Variants in DPP10 observed in about 807,000 individuals in gnomAD.
DPP10 encodes the protein dipeptidyl peptidase like 10.
In DPP10, 33 loss-of-function variants were observed where a neutral mutation model predicts 120.9. The observed-to-expected ratio is 0.27, with a 90% confidence interval of 0.21 to 0.37. DPP10 has a LOEUF of 0.37. Among genes scored for constraint, DPP10 ranks in the 10% least tolerant of loss-of-function variants. The probability of loss-of-function intolerance (pLI) is 1.00; values close to 1 mark genes in which losing one functional copy is unlikely to be tolerated. For missense variants in DPP10, 816 were observed against 942.8 expected (o/e 0.87, Z 1.76); for synonymous variants, 337 against 326.1 (o/e 1.03, Z -0.36).
At chr2:115,003,918 A>G (rs1188617771) in intron 1 of DPP10, among the ~76,000 whole-genome samples, 1 of 152,226 alleles carries the variant, frequency 6.6e-6, no homozygotes, top group Non-Finnish European at 1.5e-5. Flanking sequence ...AGTTTACTAC[A>G]TAATGCATAC....
chr2:115,698,478 G>T (rs1019925163), intron 7 of DPP10, among the ~76,000 whole-genome samples: 12 of 152,156 alleles, frequency 7.9e-5, no homozygotes, highest in Non-Finnish European at 1.2e-4. Flanking sequence ...GGAGATAAAA[G>T]TTTTAGGAGG....
At chr2:114,994,122 T>C (rs1001142550) in intron 1 of DPP10, among the ~76,000 whole-genome samples, 5 of 152,232 alleles carry the variant, frequency 3.3e-5, no homozygotes, top group Non-Finnish European at 7.3e-5. Context: ...GCTTGGTTTT[T>C]TTCTGATGTT....
intron 1 of DPP10, among the ~76,000 whole-genome samples, chr2:114,925,897 G>A (rs1431716484): frequency 6.6e-6 from 1 of 152,148 alleles, no homozygotes; most frequent in African/African-American, 2.4e-5. Flanking sequence ...AATTATTCAA[G>A]CAGACAGTCT....
At chr2:115,109,668 G>A (rs2049119932) in intron 1 of DPP10, among the ~76,000 whole-genome samples, 1 of 152,204 alleles carries the variant, frequency 6.6e-6, no homozygotes, top group Non-Finnish European at 1.5e-5. Flanking sequence ...ACAGCTCAAG[G>A]AAATATTATC....
At chr2:115,264,355 A>G (rs1041499980) in intron 1 of DPP10, among the ~76,000 whole-genome samples, 3 of 152,152 alleles carry the variant, frequency 2.0e-5, no homozygotes, top group African/African-American at 4.8e-5. Flanking sequence ...TCAGGTATCT[A>G]TGTGTCTTTT....
rs551133151 is a variant in DPP10, at chr2:115,836,147, T to C, written c.1951-10T>C. On this transcript the variant is annotated splice_polypyrimidine_tract_variant and intron_variant, in intron 21 of 25. Coordinates refer to ENST00000410059, the MANE Select transcript of DPP10 (RefSeq NM_020868.6). ...ATATATATATATATATATATATTTT[T>C]CCCCCCCAGGGTTATGGTGGCTATA... The C allele has an allele frequency of 9.2e-5, 134 of 1,456,596 alleles. 1 individual carries two copies. Among genetic ancestry groups the C allele is most frequent in the South Asian group, 7.4e-4 (53 of 72,046 alleles). 90.2% of individuals were successfully genotyped at this position (1,456,596 alleles called of 1,614,324 possible).
At chr2:115,167,123 A>G (rs1388039009) in intron 1 of DPP10, among the ~76,000 whole-genome samples, 1 of 152,168 alleles carries the variant, frequency 6.6e-6, no homozygotes, top group African/African-American at 2.4e-5. Flanking sequence ...CTGTGAATGG[A>G]GGTGACTGCA....
chr2:115,008,091 T>C (rs1701986687), intron 1 of DPP10, among the ~76,000 whole-genome samples: 1 of 143,116 alleles, frequency 7.0e-6, no homozygotes. Flanking sequence ...AAAGTTCATA[T>C]GGAACCAAAA....
At chr2:115,257,651 C>G (rs1291146616) in intron 1 of DPP10, among the ~76,000 whole-genome samples, 1 of 152,130 alleles carries the variant, frequency 6.6e-6, no homozygotes, top group Non-Finnish European at 1.5e-5. Flanking sequence ...GCCATATATC[C>G]AAACTGTGTC....
chr2:114,470,797 C>T (rs1302060100), intron 1 of DPP10, among the ~76,000 whole-genome samples: 1 of 152,186 alleles, frequency 6.6e-6, no homozygotes, highest in Non-Finnish European at 1.5e-5. Context: ...ACTTAAGACA[C>T]TTGAAAGTGG....
chr2:114,995,205 C>T (rs562448272), intron 1 of DPP10, among the ~76,000 whole-genome samples: 45 of 152,204 alleles, frequency 3.0e-4, no homozygotes, highest in Admixed American at 4.6e-4. Context: ...TCATCTCAGC[C>T]GTGGCCATCC....
intron 2 of DPP10, among the ~76,000 whole-genome samples, chr2:115,312,300 G>T (rs1415898489): frequency 6.6e-6 from 1 of 152,016 alleles, no homozygotes; most frequent in Non-Finnish European, 1.5e-5. Flanking sequence ...TGATCAAGTG[G>T]GCAAGTATAA....
intron 11 of DPP10, 39 bp from the exon 12 acceptor site, chr2:115,762,533 G>A: frequency 1.9e-6 from 3 of 1,611,864 alleles, no homozygotes; most frequent in East Asian, 4.5e-5. Context: ...GCTCATTTTG[G>A]TCTTTAGATG....
chr2:115,483,475 C>CTTTCTA, intron 3 of DPP10, among the ~76,000 whole-genome samples: 1 of 84,978 alleles, frequency 1.2e-5, no homozygotes, highest in South Asian at 3.8e-4. Context: ...ATCTATCTAT[C>CTTTCTA]TATCTGTATG....
chr2:115,103,481 C>T (rs1400028795), intron 1 of DPP10, among the ~76,000 whole-genome samples: 1 of 152,158 alleles, frequency 6.6e-6, no homozygotes, highest in Non-Finnish European at 1.5e-5. Context: ...GGCAACCACG[C>T]CTGGCCTCAG....
At chr2:114,926,287 C>T (rs13034487) in intron 1 of DPP10, among the ~76,000 whole-genome samples, 33,704 of 152,082 alleles carry the variant, frequency 0.22, 3,840 homozygotes, top group East Asian at 0.36. Flanking sequence ...GTCCAGATAA[C>T]GGGCCTGAAT....
At chr2:115,525,799 T>G in intron 4 of DPP10, 99 bp from the exon 5 acceptor site, 1 of 813,712 alleles carries the variant, frequency 1.2e-6, no homozygotes, top group Non-Finnish European at 1.9e-6. Context: ...GAGAATGCCA[T>G]TTTATAGTGC....
chr2:114,812,665 C>G lies in DPP10; in HGVS notation c.60+369827C>G, dbSNP rs1574247795. Among the ~76,000 whole-genome samples, 3 of 151,522 alleles carry G rather than the reference C, an allele frequency of 2.0e-5. No individual in the cohort carries two copies. In the South Asian group the frequency reaches 6.2e-4, roughly 32 times the overall value. On this transcript the variant is annotated intron_variant, in intron 1 of 25. Coordinates refer to ENST00000410059, the MANE Select transcript of DPP10 (RefSeq NM_020868.6). ...GCAGTATCAATGTCTTTGTTCTCAC[C>G]TCTGTATCTCTACAGCTTCCTCCTA...
chr2:114,655,772 A>G (rs902429850), intron 1 of DPP10, among the ~76,000 whole-genome samples: 1 of 152,110 alleles, frequency 6.6e-6, no homozygotes, highest in African/African-American at 2.4e-5. Context: ...ATATAATCTA[A>G]TTATTTTTTC....
Sources: gnomAD v4.1 joint callset for allele counts (sites outside exome capture counted in the v4.1 genomes callset) on GRCh38, gnomAD v4.1.1 for gene constraint, MANE v1.5 for transcripts, NCBI Gene and HGNC (gene_info 2026-07-23, HGNC 2026-07-21) for gene names.